TMCO6: variants seen among roughly 807,000 people sequenced by gnomAD.
The protein encoded by TMCO6 is transmembrane and coiled-coil domains 6.
TMCO6 carries 47 observed loss-of-function variants against 61.8 expected under a neutral mutation model. The ratio of observed to expected loss-of-function variants is 0.76; its 90% CI spans 0.60 to 0.97. The LOEUF (loss-of-function observed/expected upper bound fraction) is 0.97. Among genes scored for constraint, TMCO6 ranks in the 50% least tolerant of loss-of-function variants. TMCO6 has a pLI of 0.00. For synonymous variants in TMCO6, 261 were observed against 254.2 expected (o/e 1.03, Z -0.25); for missense variants, 557 against 601.6 (o/e 0.93, Z 0.78).
At chr5:140,610,432 G>A in the TMCO6 span, among the ~76,000 whole-genome samples, 1 of 152,162 alleles carries the variant, frequency 6.6e-6, no homozygotes, top group East Asian at 1.9e-4. Context: ...CTTCAGGGCT[G>A]AAGCACTTCT....
At chr5:140,613,757 G>A in the TMCO6 span, among the ~76,000 whole-genome samples, 1 of 152,052 alleles carries the variant, frequency 6.6e-6, no homozygotes, top group African/African-American at 2.4e-5. Flanking sequence ...CTGGAGCATA[G>A]TGGTGCAATC....
Position 140,644,724 on chromosome 5 carries a change from T to C in TMCO6, c.1352T>C (p.Phe451Ser). 1 of 1,614,224 alleles carries C rather than the reference T, an allele frequency of 6.2e-7. No individual in the cohort carries two copies. The highest frequency in any genetic ancestry group is 8.5e-7 in the Non-Finnish European group (1 of 1,180,034). Residue 451 changes from phenylalanine (F) to serine (S), a missense_variant, in exon 11 of 12, where the codon TTC becomes TCC. Phe to Ser is a radical substitution (Grantham distance 155). Coordinates refer to ENST00000394671, the MANE Select transcript of TMCO6 (RefSeq NM_018502.5). ...GQSLELLHLL[F>S]LYQPEAVQVF... ...AGTTTGGAGCTGCTGCATCTGCTGT[T>C]CCTGTATCAGCCAGAGGTATAGGTT...
At chr5:140,600,463 T>A in the TMCO6 span, among the ~76,000 whole-genome samples, 2 of 151,552 alleles carry the variant, frequency 1.3e-5, no homozygotes, top group Non-Finnish European at 2.9e-5. Flanking sequence ...AGGGTGAATT[T>A]GTTTTGTTTT....
Position 140,643,030 on chromosome 5 carries a change from C to T in TMCO6, c.795C>T (p.Tyr265=), listed in dbSNP as rs756981448. ...TGGAGTTTGCCTGGTGCCTTCATTA[C>T]ATCATCTGCAGGTAACAGGGCAATT... is the stretch of plus-strand genomic sequence containing the variant. ...VAVEFAWCLH[Y]IICSQVSNPL... The change falls in exon 7 of 12, where the codon TAC becomes TAT. Residue 265 remains tyrosine, a synonymous_variant. Transcript: ENST00000394671. 5.0e-6 allele frequency: 8 copies of T among 1,614,114 alleles called. No homozygotes were observed. In the African/African-American group the frequency reaches 9.3e-5, roughly 19 times the overall value.
the TMCO6 span, chr5:140,633,331 A>G: frequency 0.53 from 318,547 of 598,992 alleles, 86,070 homozygotes; most frequent in African/African-American, 0.67. Context: ...AGGGAGGGGG[A>G]CCGTAACAGG....
the TMCO6 span, among the ~76,000 whole-genome samples, chr5:140,606,462 G>GTT: frequency 6.6e-6 from 1 of 151,942 alleles, no homozygotes; most frequent in Admixed American, 6.6e-5. Flanking sequence ...CCAACTCTTG[G>GTT]TTTTACCGAT....
the TMCO6 span, chr5:140,632,512 G>T: frequency 6.2e-7 from 1 of 1,614,126 alleles, no homozygotes; most frequent in Non-Finnish European, 8.5e-7. This position sits in a 1 kb window ranked among gnomAD's most constrained non-coding sequence, Gnocchi z 6.2. Context: ...AGCCAAGAAC[G>T]CCCTGTCGCC....
the TMCO6 span, among the ~76,000 whole-genome samples, chr5:140,613,967 C>T: frequency 2.6e-3 from 395 of 151,846 alleles, no homozygotes; most frequent in African/African-American, 9.2e-3. Flanking sequence ...GGTGCGGTCT[C>T]GGCTCACTGC....
the TMCO6 span, among the ~76,000 whole-genome samples, chr5:140,598,504 C>T: frequency 1.3e-5 from 2 of 152,206 alleles, no homozygotes; most frequent in Non-Finnish European, 2.9e-5. Flanking sequence ...ACATCATGGG[C>T]TGTAAAGTGT....
intron 2 of TMCO6, chr5:140,641,463 T>A (rs1757024973): frequency 1.7e-6 from 1 of 578,320 alleles, no homozygotes; most frequent in African/African-American, 1.9e-5. Flanking sequence ...CCATATGGAG[T>A]AAGTGGCAGG....
Position 140,643,527 on chromosome 5 carries a change from C to T in TMCO6, c.807-37C>T, listed in dbSNP as rs117920485. 71 of 1,577,906 alleles carry T rather than the reference C, an allele frequency of 4.5e-5. No homozygotes were observed. The East Asian group carries it at 1.4e-3, about 31-fold the overall frequency. ...CTTCTCTTCTTAAAGGTGGAATTGACTATATACCTAGGGACTGCTTGCTTC... is the reference window on the plus strand; with the variant it reads ...CTTCTCTTCTTAAAGGTGGAATTGATTATATACCTAGGGACTGCTTGCTTC... On this transcript the variant is annotated intron_variant, in intron 7 of 11. Coordinates refer to ENST00000394671, the MANE Select transcript of TMCO6 (RefSeq NM_018502.5).
At chr5:140,647,046 C>T (rs1178073822), downstream of TMCO6, 5 of 554,706 alleles carry the variant, frequency 9.0e-6, no homozygotes, top group Non-Finnish European at 1.2e-5. Context: ...ACGCAGGATT[C>T]GGTCAGCCTG....
the TMCO6 span, among the ~76,000 whole-genome samples, chr5:140,610,251 G>T: frequency 6.6e-6 from 1 of 150,790 alleles, no homozygotes; most frequent in East Asian, 1.9e-4. Context: ...CAGCTACTCA[G>T]GAGGCTGAGG....
chr5:140,632,752 C>T, the TMCO6 span: 16 of 1,613,474 alleles, frequency 9.9e-6, no homozygotes, highest in African/African-American at 1.6e-4. The surrounding 1 kb of genome is among the most constrained non-coding windows in gnomAD (Gnocchi z 6.2). Flanking sequence ...TGCCGCGGGT[C>T]GGCGTCCGCA....
chr5:140,630,167 T>C, the TMCO6 span, among the ~76,000 whole-genome samples: 1 of 151,880 alleles, frequency 6.6e-6, no homozygotes, highest in Non-Finnish European at 1.5e-5. Context: ...CTAATTTTTG[T>C]ATTTTTAGTA....
At position 140,640,913 on chromosome 5, in the gene TMCO6, GTATTA is replaced by G. The variant is rs144473759; in HGVS notation, c.199-750_199-746del. 2.5e-3 allele frequency: 378 copies of G among 152,646 alleles called. 1 individual carries two copies. Among genetic ancestry groups the G allele is most frequent in the Non-Finnish European group, 4.2e-3 (288 of 68,190 alleles). 9.5% of individuals were successfully genotyped at this position (152,646 alleles called of 1,614,324 possible). Reference sequence around the variant, plus strand: ...TAAGCATTGAGTATCCCCTGTATTTGTATTATGTTTACGTACATAGTTTACCGTAC... The same window carrying G: ...TAAGCATTGAGTATCCCCTGTATTTGTGTTTACGTACATAGTTTACCGTAC... On this transcript the variant is annotated intron_variant, in intron 2 of 11. Transcript: ENST00000394671.
rs1317030116 is a variant in TMCO6, at chr5:140,643,768, T to C, written c.919-12T>C. The C allele has an allele frequency of 6.2e-7, 1 of 1,612,346 alleles. No individual in the cohort carries two copies. The stretch of plus-strand genomic sequence containing the variant: ...TCCTTCTTACACCTGACCCCCCAAT[T>C]TGTCTTTGCAGCTGGCATGCCCCGT... On this transcript the variant is annotated splice_polypyrimidine_tract_variant and intron_variant, in intron 8 of 11. Transcript: ENST00000394671.
chr5:140,647,083 G>C, downstream of TMCO6: 1 of 720,298 alleles, frequency 1.4e-6, no homozygotes, highest in Non-Finnish European at 2.2e-6. Context: ...GGAATACAAC[G>C]CATCATATAA....
the TMCO6 span, among the ~76,000 whole-genome samples, chr5:140,618,520 G>T: frequency 1.3e-5 from 2 of 151,970 alleles, no homozygotes; most frequent in Middle Eastern, 3.2e-3. Context: ...TTTAGGTTTG[G>T]GGGTATATGT....
Sources: allele counts gnomAD v4.1 joint callset (sites outside exome capture counted in the v4.1 genomes callset), GRCh38; gene constraint gnomAD v4.1.1; non-coding constraint Gnocchi (gnomAD v3.1); transcripts MANE v1.5; gene names NCBI Gene and HGNC (gene_info 2026-07-23, HGNC 2026-07-21).